EML6: variants seen among roughly 807,000 people sequenced by gnomAD.
EML6 encodes the protein echinoderm microtubule-associated protein-like 6.
In EML6, 154 loss-of-function variants were observed where a neutral mutation model predicts 240.1. The observed-to-expected ratio is 0.64, with a 90% CI of 0.56 to 0.73. The LOEUF is 0.73. EML6 is among the 30% of genes least tolerant of loss of function. EML6 has a pLI of 0.00. For synonymous variants in EML6, 1,148 were observed against 899.0 expected (o/e 1.28, Z -4.95); for missense variants, 2,964 against 2,474.6 (o/e 1.20, Z -4.20).
intron 25 of EML6, among the ~76,000 whole-genome samples, chr2:54,916,357 C>G (rs945690403): frequency 1.3e-5 from 2 of 152,204 alleles, no homozygotes; most frequent in African/African-American, 4.8e-5. Context: ...ACCAGAGATG[C>G]TCTAAACATC....
chr2:54,947,418 C>T (rs764195464), intron 28 of EML6, among the ~76,000 whole-genome samples: 60 of 151,980 alleles, frequency 3.9e-4, no homozygotes, highest in Non-Finnish European at 8.2e-4. Context: ...CCGTTTGGTC[C>T]AATTATCACT....
intron 30 of EML6, 64 bp downstream of exon 30, chr2:54,950,843 T>C: frequency 2.7e-6 from 4 of 1,476,354 alleles, no homozygotes; most frequent in Non-Finnish European, 3.7e-6. Context: ...TTCCCCACTC[T>C]TTAGATGCCC....
intron 26 of EML6, among the ~76,000 whole-genome samples, chr2:54,925,213 T>A (rs1297738446): frequency 6.6e-6 from 1 of 152,078 alleles, no homozygotes; most frequent in African/African-American, 2.4e-5. Context: ...GCTCTTCCTG[T>A]GAGCACACAG....
At chr2:54,933,143 A>G (rs1216525666) in intron 28 of EML6, among the ~76,000 whole-genome samples, 2 of 152,226 alleles carry the variant, frequency 1.3e-5, no homozygotes, top group East Asian at 3.8e-4. Context: ...CAAAATCAGT[A>G]GGAAAGAACT....
intron 11 of EML6, among the ~76,000 whole-genome samples, chr2:54,856,754 CT>C (rs1292708383): frequency 1.3e-5 from 2 of 152,106 alleles, no homozygotes; most frequent in African/African-American, 4.8e-5. Flanking sequence ...TCAGAGTCGT[CT>C]TCTAAGTGCA....
intron 28 of EML6, among the ~76,000 whole-genome samples, chr2:54,933,289 C>T (rs1291001697): frequency 1.3e-5 from 2 of 152,138 alleles, no homozygotes; most frequent in African/African-American, 4.8e-5. Context: ...GAAATAGTCA[C>T]CTGCCACCAT....
chr2:54,769,940 C>A (rs1052098951), intron 2 of EML6, among the ~76,000 whole-genome samples: 1 of 152,074 alleles, frequency 6.6e-6, no homozygotes, highest in African/African-American at 2.4e-5. Flanking sequence ...TTATATAGAT[C>A]TTTGTAGGCC....
In EML6 at chr2:54,771,624, T is replaced by C. The variant is rs549328326; in HGVS notation, c.198-41608T>C. Among the ~76,000 whole-genome samples, 9 of 152,390 alleles carry C rather than the reference T, an allele frequency of 5.9e-5. No homozygotes were observed. In the East Asian group the frequency reaches 1.7e-3, roughly 29 times the overall value. On this transcript the variant is annotated intron_variant, in intron 2 of 41. Transcript: ENST00000356458. ...AAAATTCCTTCTATAAAATGGTAGC[T>C]ATCACATATGTGTGTGAATGTATGT...
intron 2 of EML6, among the ~76,000 whole-genome samples, chr2:54,811,807 G>A (rs1466360561): frequency 2.0e-5 from 3 of 152,200 alleles, no homozygotes; most frequent in Non-Finnish European, 2.9e-5. Context: ...AATTGAGATT[G>A]GGAGGGTCCT....
At chr2:54,859,895 T>G (rs1368516603) in intron 12 of EML6, among the ~76,000 whole-genome samples, 194 bp downstream of exon 12, 2 of 152,086 alleles carry the variant, frequency 1.3e-5, no homozygotes, top group Non-Finnish European at 2.9e-5. Flanking sequence ...TCAAAGGAAG[T>G]TGCTATACCA....
intron 11 of EML6, among the ~76,000 whole-genome samples, chr2:54,854,415 G>C (rs1476647804): frequency 1.3e-5 from 2 of 152,136 alleles, no homozygotes; most frequent in African/African-American, 2.4e-5. Context: ...TGTTAAAATT[G>C]TTTGACTTCA....
At chr2:54,831,098 G>A (rs912466454) in intron 7 of EML6, among the ~76,000 whole-genome samples, 3 of 152,148 alleles carry the variant, frequency 2.0e-5, no homozygotes, top group Non-Finnish European at 2.9e-5. Flanking sequence ...AGCCAAAAAT[G>A]TTTGGTCCTG....
intron 2 of EML6, among the ~76,000 whole-genome samples, chr2:54,757,903 A>C (rs551714680): frequency 1.4e-5 from 2 of 146,420 alleles, no homozygotes; most frequent in East Asian, 4.0e-4. Flanking sequence ...TTTTTCTTCA[A>C]GGTTTCTTTT....
At chr2:54,859,734 T>C in intron 12 of EML6, 33 bp downstream of exon 12, 1 of 1,497,176 alleles carries the variant, frequency 6.7e-7, no homozygotes, top group Non-Finnish European at 8.9e-7. Context: ...AACATCATTT[T>C]ATTTTTCAAT....
At chr2:54,777,884 T>C (rs1012399802) in intron 2 of EML6, among the ~76,000 whole-genome samples, 1 of 152,222 alleles carries the variant, frequency 6.6e-6, no homozygotes, top group Non-Finnish European at 1.5e-5. Flanking sequence ...GACATCAAAA[T>C]AGACTTCTGA....
intron 5 of EML6, among the ~76,000 whole-genome samples, chr2:54,822,860 A>C (rs968073122): frequency 6.8e-4 from 103 of 152,186 alleles, no homozygotes; most frequent in Non-Finnish European, 3.1e-4. Flanking sequence ...GAGAACAAAA[A>C]TTTTAGAGGT....
chr2:54,772,194 G>A (rs1196661652), intron 2 of EML6, among the ~76,000 whole-genome samples: 1 of 152,200 alleles, frequency 6.6e-6, no homozygotes, highest in Non-Finnish European at 1.5e-5. Flanking sequence ...AGGCAGTTTG[G>A]ATAAGGAAGG....
rs1287460448 is a variant in EML6 at position 54,963,998 on chromosome 2, A to C, written c.5170A>C (p.Lys1724Gln). The change falls in exon 37 of 42, where the codon AAG becomes CAG. Residue 1724 changes from lysine to glutamine, a missense_variant. Physicochemically the swap from Lys to Gln is moderately conservative, Grantham distance 53 (BLOSUM62 1). Transcript: ENST00000356458. ...TGCATCAATGTAGAAGCTGTTAAAC[A>C]AGGTGAGCTTGGGCCATGCGGCCAG... The part of the protein sequence containing the change: ...WDLADKKLLN[K>Q]VSLGHAARCA... 1.9e-6 allele frequency: 3 copies of C among 1,550,474 alleles called. No individual in the cohort carries two copies. Among genetic ancestry groups the C allele is most frequent in the South Asian group, 2.4e-5 (2 of 83,844 alleles).
At chr2:54,843,844 CAAA>C (rs34580151) in intron 7 of EML6, among the ~76,000 whole-genome samples, 200 bp from the exon 8 acceptor site, 25,364 of 108,860 alleles carry the variant, frequency 0.23, 2,995 homozygotes, top group Non-Finnish European at 0.3. Context: ...GACTCCATCT[CAAA>C]AAAAAAAAAA....
Sources: gnomAD v4.1 joint callset for allele counts (sites outside exome capture counted in the v4.1 genomes callset) on GRCh38, gnomAD v4.1.1 for gene constraint, MANE v1.5 for transcripts, NCBI Gene and HGNC (gene_info 2026-07-23, HGNC 2026-07-21) for gene names.